The following ARHGEF11 variants were observed in gnomAD, a reference collection of about 807,000 sequenced individuals.
ARHGEF11 encodes Rho guanine nucleotide exchange factor 11.
In ARHGEF11, 55 loss-of-function variants were observed where a neutral mutation model predicts 193.7. The ratio of observed to expected loss-of-function variants is 0.28; its 90% CI spans 0.23 to 0.36. ARHGEF11 has a LOEUF of 0.36. Among genes scored for constraint, ARHGEF11 ranks in the 10% least tolerant of loss-of-function variants. The pLI is 1.00. For synonymous variants in ARHGEF11, 693 were observed against 768.0 expected (o/e 0.90, Z 1.62); for missense variants, 1,723 against 2,005.6 (o/e 0.86, Z 2.69).
intron 1 of ARHGEF11, among the ~76,000 whole-genome samples, chr1:157,024,876 A>C (rs1026239872): frequency 1.1e-4 from 16 of 152,332 alleles, no homozygotes; most frequent in African/African-American, 2.6e-4. Flanking sequence ...TAGTTCTCTC[A>C]TGTTTTCTCT....
chr1:156,989,627 T>C (rs1665431554), intron 1 of ARHGEF11, among the ~76,000 whole-genome samples: 1 of 152,238 alleles, frequency 6.6e-6, no homozygotes, highest in African/African-American at 2.4e-5. Context: ...CACCTCTGAC[T>C]TGATGGTTGC....
chr1:157,040,170 TTG>T (rs1257158316), intron 1 of ARHGEF11, among the ~76,000 whole-genome samples: 1 of 152,174 alleles, frequency 6.6e-6, no homozygotes, highest in African/African-American at 2.4e-5. Context: ...TGCAAATCCA[TTG>T]TGTCTCTCAT....
intron 13 of ARHGEF11, among the ~76,000 whole-genome samples, chr1:156,962,592 G>T (rs1019075719): frequency 6.6e-6 from 1 of 152,054 alleles, no homozygotes; most frequent in East Asian, 1.9e-4. Context: ...AAAAACGAAG[G>T]AAGAGGCCGG....
At position 156,944,448 on chromosome 1, in the gene ARHGEF11, CCATTCATTCATTCATT is replaced by C. The variant is rs5778015; in HGVS notation, c.2992-31_2992-16del. 1.1e-5 allele frequency: 16 copies of C among 1,504,676 alleles called. No individual in the cohort carries two copies. The East Asian group carries it at 2.3e-4, about 21-fold the overall frequency. The allele number at this position is 1,504,676 out of a possible 1,614,324, so 93.2% of individuals were successfully genotyped here. A position where few individuals can be genotyped will look rare whatever the true frequency, so the allele number is the denominator to read the frequency against. ...AGATCCAGGCTCTGTTAAGGAGACA[CCATTCATTCATTCATT>C]CATTCATTCATTCATTCAAGTGTTT... is the stretch of plus-strand genomic sequence containing the variant. On this transcript the variant is annotated splice_polypyrimidine_tract_variant and intron_variant, in intron 30 of 40. Transcript: ENST00000368194.
chr1:156,989,015 G>C (rs553059118), intron 1 of ARHGEF11, among the ~76,000 whole-genome samples: 162 of 152,226 alleles, frequency 1.1e-3, no homozygotes, highest in African/African-American at 3.6e-3. Flanking sequence ...AGTTTGGCCT[G>C]AAATGGAGGC....
intron 22 of ARHGEF11, 94 bp downstream of exon 22, chr1:156,951,479 A>G (rs1305969479): frequency 1.3e-6 from 2 of 1,530,816 alleles, no homozygotes; most frequent in East Asian, 2.3e-5. Context: ...AAGCTAGTGG[A>G]GAGGGGTCAA....
chr1:157,003,498 G>T (rs1404466115), intron 1 of ARHGEF11, among the ~76,000 whole-genome samples: 2 of 152,210 alleles, frequency 1.3e-5, no homozygotes, highest in East Asian at 3.8e-4. Flanking sequence ...CAGGTGTTGT[G>T]CCAGATAGTA....
intron 1 of ARHGEF11, among the ~76,000 whole-genome samples, chr1:156,998,759 C>A (rs1666862982): frequency 1.3e-5 from 2 of 152,176 alleles, no homozygotes; most frequent in African/African-American, 4.8e-5. Context: ...CCTAAGATCT[C>A]CTAGATGATC....
rs370651952 is a variant in ARHGEF11 at position 157,009,534 on chromosome 1, G to T, written c.33-23361C>A. On this transcript the variant is annotated intron_variant, in intron 1 of 40. Transcript: ENST00000368194. ...TACTGAGTAATAAACATAGTCATCAGAAAATGGAACTCATCAAGGAGAGCT... is the reference window on the plus strand; with the variant it reads ...TACTGAGTAATAAACATAGTCATCATAAAATGGAACTCATCAAGGAGAGCT... Among the ~76,000 whole-genome samples, 36 of 152,318 alleles carry T rather than the reference G, an allele frequency of 2.4e-4. No individual in the cohort carries two copies. In the East Asian group the frequency reaches 4.2e-3, roughly 18 times the overall value.
intron 1 of ARHGEF11, 123 bp from the exon 2 acceptor site, chr1:156,986,296 C>T: frequency 1.5e-6 from 1 of 684,804 alleles, no homozygotes; most frequent in Non-Finnish European, 2.5e-6. Flanking sequence ...CCTACCCGCC[C>T]TGTAACCCAA....
chr1:157,029,747 G>A (rs1337926745), intron 1 of ARHGEF11, among the ~76,000 whole-genome samples: 1 of 152,128 alleles, frequency 6.6e-6, no homozygotes, highest in Non-Finnish European at 1.5e-5. Flanking sequence ...AAACCTAAAT[G>A]TCCATGAACT....
intron 26 of ARHGEF11, 74 bp from the exon 27 acceptor site, chr1:156,947,089 G>T: frequency 6.4e-7 from 1 of 1,561,016 alleles, no homozygotes; most frequent in Non-Finnish European, 8.8e-7. Context: ...ACAGAGAGAA[G>T]TGAATCTCTG....
Position 156,946,075 on chromosome 1 carries a change from G to A in ARHGEF11, c.2782C>T (p.Leu928=), listed in dbSNP as rs150031072. ...GTGTGCTTGATGATGCTCTCCAGCA[G>A]CAGCGGGTACTTGGTGAGCCGCTGC... ...EMQRLTKYPL[L]LESIIKHTEG... The change falls in exon 29 of 41, where the codon CTG becomes TTG. Residue 928 remains leucine, a synonymous_variant. Coordinates refer to ENST00000368194, the MANE Select transcript of ARHGEF11 (RefSeq NM_198236.3). 5.0e-6 allele frequency: 8 copies of A among 1,613,570 alleles called. No individual in the cohort carries two copies. In the African/African-American group the frequency reaches 5.3e-5, roughly 11 times the overall value.
chr1:156,982,673 TAA>T (rs1457040054), intron 3 of ARHGEF11, among the ~76,000 whole-genome samples: 4 of 152,124 alleles, frequency 2.6e-5, no homozygotes, highest in Non-Finnish European at 5.9e-5. Context: ...AGGAAGAAGG[TAA>T]AGGAGAGCTG....
At position 156,951,612 on chromosome 1, in the gene ARHGEF11, G is replaced by A. The variant is rs1239043851; in HGVS notation, c.1886C>T (p.Ser629Leu). 2 of 1,614,192 alleles carry A rather than the reference G, an allele frequency of 1.2e-6. No homozygotes were observed. The highest frequency in any genetic ancestry group is 1.7e-6 in the Non-Finnish European group (2 of 1,180,040). The part of the protein sequence containing the change: ...DAPEPGTQRL[S>L]TGSFPEDLLE... ...CAGGTCCTCAGGAAAGCTTCCGGTCGAGAGTCGTTGTGTCCCAGGTTCTGG... is the reference window on the plus strand; with the variant it reads ...CAGGTCCTCAGGAAAGCTTCCGGTCAAGAGTCGTTGTGTCCCAGGTTCTGG... Residue 629 changes from serine (S) to leucine (L), a missense_variant, in exon 22 of 41, where the codon TCG becomes TTG. Around this residue, in one of 5 missense-constraint regions of ARHGEF11, gnomAD observed 491 missense variants for 654.5 expected, o/e 0.75. Transcript: ENST00000368194.
In ARHGEF11 at chr1:156,986,087, G is replaced by C. The variant is rs541744963; in HGVS notation, c.119C>G (p.Thr40Arg). ...HHRQPSDASE[T>R]TGLVQRCVII... ...TTAATGCCCAAGGAGGTTACCTGTT[G>C]TCTCAGAGGCATCCGAAGGCTGGCG... is the stretch of plus-strand genomic sequence containing the variant. The change falls in exon 2 of 41, where the codon ACA becomes AGA. Residue 40 changes from threonine to arginine, a missense_variant. Coordinates refer to ENST00000368194, the MANE Select transcript of ARHGEF11 (RefSeq NM_198236.3). 3 of 1,613,486 alleles carry C rather than the reference G, an allele frequency of 1.9e-6. No homozygotes were observed. Among genetic ancestry groups the C allele is most frequent in the African/African-American group, 2.7e-5 (2 of 74,998 alleles).
intron 1 of ARHGEF11, among the ~76,000 whole-genome samples, chr1:156,987,606 T>C (rs986944716): frequency 6.6e-6 from 1 of 152,194 alleles, no homozygotes; most frequent in Admixed American, 6.5e-5. Flanking sequence ...GCTTTTATTA[T>C]ATTCTTTGGT....
intron 2 of ARHGEF11, 81 bp from the exon 3 acceptor site, chr1:156,984,518 C>A: frequency 2.1e-6 from 2 of 954,038 alleles, no homozygotes; most frequent in African/African-American, 1.6e-5. Flanking sequence ...CCAGGGAAGC[C>A]CCAGTGCCTT....
In ARHGEF11 at chr1:156,947,413, G is replaced by A; in HGVS notation, c.2379C>T (p.Leu793=). ...GGTAGAAGATCAGGTCCAGGACCCG[G>A]AGTGTGCGCAGGTGGGAAGCTTCAG... ...FVTEASHLRT[L]RVLDLIFYQR... The change falls in exon 26 of 41, where the codon CTC becomes CTT. Residue 793 remains leucine, a synonymous_variant. Transcript: ENST00000368194. 1.2e-6 allele frequency: 2 copies of A among 1,613,604 alleles called. No individual in the cohort carries two copies. Among genetic ancestry groups the A allele is most frequent in the Non-Finnish European group, 1.7e-6 (2 of 1,179,818 alleles).
Sources: allele counts gnomAD v4.1 joint callset (sites outside exome capture counted in the v4.1 genomes callset), GRCh38; gene constraint gnomAD v4.1.1; regional missense constraint gnomAD v4.1.1; transcripts MANE v1.5; gene names NCBI Gene and HGNC (gene_info 2026-07-23, HGNC 2026-07-21).